NXPE2: variants seen among roughly 807,000 people sequenced by gnomAD.
NXPE2 encodes the protein NXPE family member 2.
NXPE2 carries 34 observed loss-of-function variants against 34.4 expected under a neutral mutation model. The observed-to-expected ratio is 0.99, with a 90% CI of 0.75 to 1.31. NXPE2 has a LOEUF of 1.31. Among genes scored for constraint, NXPE2 ranks in the 40% most tolerant of loss-of-function variants. NXPE2 has a pLI of 0.00. For missense variants in NXPE2, 649 were observed against 672.5 expected (o/e 0.97, Z 0.39); for synonymous variants, 235 against 231.3 (o/e 1.02, Z -0.15).
chr11:114,551,368 A>C, the NXPE2 span: 1 of 1,399,824 alleles, frequency 7.1e-7, no homozygotes, highest in Non-Finnish European at 9.2e-7. Flanking sequence ...TCATACCCCC[A>C]ATCCCTTTGT....
chr11:114,560,699 G>C, the NXPE2 span, among the ~76,000 whole-genome samples: 3 of 152,234 alleles, frequency 2.0e-5, no homozygotes, highest in Admixed American at 6.5e-5. Flanking sequence ...TACAGTAAAT[G>C]TTGCTGTAAC....
the NXPE2 span, among the ~76,000 whole-genome samples, chr11:114,539,002 C>T: frequency 6.9e-6 from 1 of 145,962 alleles, no homozygotes; most frequent in Non-Finnish European, 1.5e-5. Context: ...TATTGAGGCA[C>T]TATTCACAAT....
chr11:114,714,658 AG>A, the NXPE2 span, among the ~76,000 whole-genome samples: 2 of 152,202 alleles, frequency 1.3e-5, no homozygotes, highest in African/African-American at 4.8e-5. Flanking sequence ...GGCAGCTGAA[AG>A]GTTGTATGAT....
chr11:114,745,848 C>T, the NXPE2 span, among the ~76,000 whole-genome samples: 2 of 152,136 alleles, frequency 1.3e-5, no homozygotes, highest in African/African-American at 4.8e-5. Context: ...TATAATGTTA[C>T]AAATGTACTG....
chr11:114,530,938 GA>G, the NXPE2 span: 16 of 1,542,032 alleles, frequency 1.0e-5, no homozygotes, highest in African/African-American at 2.2e-4. Flanking sequence ...GATATACTAT[GA>G]AATTAACCTG....
chr11:114,509,289 G>A, the NXPE2 span, among the ~76,000 whole-genome samples: 1 of 152,174 alleles, frequency 6.6e-6, no homozygotes, highest in African/African-American at 2.4e-5. Context: ...CAGCAAGATT[G>A]TGGAGAAAAA....
At chr11:114,753,300 G>A in the NXPE2 span, among the ~76,000 whole-genome samples, 38 of 152,240 alleles carry the variant, frequency 2.5e-4, no homozygotes, top group South Asian at 7.9e-3. Flanking sequence ...GGCTGACCAG[G>A]GAGGATCCCT....
the NXPE2 span, among the ~76,000 whole-genome samples, chr11:114,566,846 C>T: frequency 4.6e-5 from 7 of 151,936 alleles, no homozygotes; most frequent in Admixed American, 2.0e-4. Flanking sequence ...TATTTGTTTC[C>T]TAAACAAATG....
chr11:114,639,945 CAT>C, the NXPE2 span, among the ~76,000 whole-genome samples: 10 of 102,326 alleles, frequency 9.8e-5, no homozygotes, highest in Admixed American at 1.4e-4. Context: ...TTAAATATAA[CAT>C]AATAGTTTGT....
chr11:114,576,791 G>T, the NXPE2 span, among the ~76,000 whole-genome samples: 1 of 151,570 alleles, frequency 6.6e-6, no homozygotes, highest in Non-Finnish European at 1.5e-5. Context: ...ATTCCTTAAA[G>T]AACTAAAAAC....
At chr11:114,478,459 G>A in the NXPE2 span, among the ~76,000 whole-genome samples, 2 of 152,160 alleles carry the variant, frequency 1.3e-5, no homozygotes, top group African/African-American at 4.8e-5. Flanking sequence ...TCCAGGATAA[G>A]GGAGAGGAGG....
At chr11:114,654,827 T>C in the NXPE2 span, among the ~76,000 whole-genome samples, 12 of 152,222 alleles carry the variant, frequency 7.9e-5, no homozygotes, top group Non-Finnish European at 1.5e-4. Flanking sequence ...TTCCTTTGGA[T>C]ATATACCCAG....
the NXPE2 span, among the ~76,000 whole-genome samples, chr11:114,791,697 C>A: frequency 1.3e-5 from 2 of 152,146 alleles, no homozygotes; most frequent in African/African-American, 4.8e-5. Context: ...GAGTTGCCAC[C>A]AAGGGTGAAC....
the NXPE2 span, among the ~76,000 whole-genome samples, chr11:114,628,419 T>C: frequency 6.6e-6 from 1 of 152,342 alleles, no homozygotes; most frequent in East Asian, 1.9e-4. Context: ...TCTGAATGAC[T>C]ACTGGGTACA....
rs78966884 is a variant in NXPE2, at chr11:114,702,122, C to T, written c.867-1869C>T. On this transcript the variant is annotated intron_variant, in intron 3 of 5. Coordinates refer to ENST00000389586, the MANE Select transcript of NXPE2 (RefSeq NM_182495.6). ...TCTTTTTAAGAGTTTTGTGGATAAT[C>T]GTGATAAAAACATAAATGAGGAGTT... Among the ~76,000 whole-genome samples, 31 of 152,044 alleles carry T rather than the reference C, an allele frequency of 2.0e-4. 1 individual carries two copies. The highest frequency in any genetic ancestry group is 2.9e-5 in the Non-Finnish European group (2 of 68,028).
chr11:114,561,372 T>C, the NXPE2 span, among the ~76,000 whole-genome samples: 1 of 152,322 alleles, frequency 6.6e-6, no homozygotes, highest in Admixed American at 6.5e-5. Flanking sequence ...ATCCAAGTTA[T>C]TGCATGTGTC....
chr11:114,748,822 A>T, the NXPE2 span, among the ~76,000 whole-genome samples: 1 of 152,176 alleles, frequency 6.6e-6, no homozygotes, highest in Non-Finnish European at 1.5e-5. Flanking sequence ...TTGGAACTAC[A>T]TATATATCCA....
At chr11:114,481,875 A>G in the NXPE2 span, among the ~76,000 whole-genome samples, 1 of 152,078 alleles carries the variant, frequency 6.6e-6, no homozygotes, top group Non-Finnish European at 1.5e-5. Context: ...GCAATATTCA[A>G]CACCACTATG....
chr11:114,542,462 T>C, the NXPE2 span, among the ~76,000 whole-genome samples: 1 of 152,166 alleles, frequency 6.6e-6, no homozygotes. Flanking sequence ...CATATATTTA[T>C]TTACAGAAAT....
Sources: gnomAD v4.1 joint callset for allele counts (sites outside exome capture counted in the v4.1 genomes callset) on GRCh38, gnomAD v4.1.1 for gene constraint, MANE v1.5 for transcripts, NCBI Gene and HGNC (gene_info 2026-07-23, HGNC 2026-07-21) for gene names.